Variants in FLT3 observed in about 807,000 individuals in gnomAD.
FLT3 encodes receptor-type tyrosine-protein kinase FLT3.
FLT3 carries 46 observed loss-of-function variants against 126.6 expected under a neutral mutation model. That is an observed-to-expected ratio of 0.36 (90% CI 0.29 to 0.46). The LOEUF is 0.46. Ranked by LOEUF, FLT3 falls within the 20% of genes least tolerant of loss-of-function variation. The pLI is 1.00. For missense variants in FLT3, 1,069 were observed against 1,190.3 expected, an observed-to-expected ratio of 0.90 and a Z score of 1.50; for synonymous variants, 404 against 434.4, an observed-to-expected ratio of 0.93 and a Z score of 0.87.
At chr13:28,037,111 C>A in intron 10 of FLT3, 74 bp downstream of exon 10, 2 of 896,466 alleles carry the variant, frequency 2.2e-6, no homozygotes, top group Admixed American at 1.9e-5. Context: ...CATTACTTAA[C>A]TTTTCCTAGT....
chr13:28,072,919 A>G (rs1877646972), intron 1 of FLT3, among the ~76,000 whole-genome samples: 1 of 151,910 alleles, frequency 6.6e-6, no homozygotes, highest in Admixed American at 6.6e-5. Flanking sequence ...GCAGGAGAAT[A>G]GCGTAAACCC....
At chr13:28,058,949 C>G (rs1020610776) in intron 3 of FLT3, among the ~76,000 whole-genome samples, 6 of 152,186 alleles carry the variant, frequency 3.9e-5, no homozygotes, top group African/African-American at 1.2e-4. Context: ...CAAGACTAAC[C>G]TGGGCAACAT....
chr13:28,058,329 AC>A (rs1876221473), intron 3 of FLT3, among the ~76,000 whole-genome samples: 1 of 151,924 alleles, frequency 6.6e-6, no homozygotes, highest in Non-Finnish European at 1.5e-5. Context: ...AGCCTGACCA[AC>A]ATGGAGAAAC....
chr13:28,015,037 T>C, intron 22 of FLT3, 120 bp downstream of exon 22: 1 of 642,618 alleles, frequency 1.6e-6, no homozygotes, highest in Non-Finnish European at 2.7e-6. Flanking sequence ...TTCTATTTTT[T>C]AAAAAAAGAA....
intron 19 of FLT3, 39 bp from the exon 20 acceptor site, chr13:28,018,628 T>A (rs2137624749): frequency 6.2e-7 from 1 of 1,608,186 alleles, no homozygotes; most frequent in Non-Finnish European, 8.5e-7. Context: ...TACTGTGATG[T>A]GTATTATCCT....
At chr13:28,056,099 A>G (rs1875976560) in intron 4 of FLT3, among the ~76,000 whole-genome samples, 1 of 152,086 alleles carries the variant, frequency 6.6e-6, no homozygotes, top group African/African-American at 2.4e-5. Flanking sequence ...CAGTAAGATG[A>G]TGCTTCTGGG....
intron 9 of FLT3, among the ~76,000 whole-genome samples, chr13:28,044,708 A>G (rs1390422065): frequency 6.6e-6 from 1 of 152,190 alleles, no homozygotes; most frequent in African/African-American, 2.4e-5. Context: ...ATCAGTACCA[A>G]CAATGCACAT....
intron 13 of FLT3, 38 bp downstream of exon 13, chr13:28,034,263 T>C (rs557830029): frequency 1.1e-5 from 18 of 1,613,590 alleles, no homozygotes; most frequent in South Asian, 4.4e-5. Context: ...GTTCTGCAGA[T>C]AGAGGAAAGA....
At chr13:28,081,316 T>C (rs1239862278) in intron 1 of FLT3, among the ~76,000 whole-genome samples, 5 of 152,226 alleles carry the variant, frequency 3.3e-5, no homozygotes, top group African/African-American at 1.2e-4. Flanking sequence ...CAATGTTTTA[T>C]AGTTTTCATT....
rs1487551876 is a variant in FLT3 at position 28,052,679 on chromosome 13, A to T, written c.485-5T>A. On this transcript the variant is annotated splice_region_variant and splice_polypyrimidine_tract_variant and intron_variant, in intron 4 of 23. Coordinates refer to ENST00000241453, the MANE Select transcript of FLT3 (RefSeq NM_004119.3). ...TTAATGTGTAAAGCAGGGTATCTAA[A>T]GCATCATAAGTTATTAACATTTTAC... 6.3e-7 allele frequency: 1 copy of T among 1,577,344 alleles called. No individual in the cohort carries two copies. The highest frequency in any genetic ancestry group is 8.7e-7 in the Non-Finnish European group (1 of 1,151,762).
intron 8 of FLT3, 93 bp downstream of exon 8, chr13:28,049,291 T>C: frequency 8.9e-7 from 1 of 1,127,256 alleles, no homozygotes; most frequent in South Asian, 1.5e-5. Flanking sequence ...ATAGTAGCAT[T>C]ATATTGAAAT....
At chr13:28,092,831 CAAAA>C (rs1169096638) in intron 1 of FLT3, among the ~76,000 whole-genome samples, 1 of 110,500 alleles carries the variant, frequency 9.0e-6, no homozygotes. Context: ...ACTCACTTTC[CAAAA>C]AAAAAAAAAG....
chr13:28,038,648 G>A (rs889881831), intron 9 of FLT3, among the ~76,000 whole-genome samples: 1 of 152,048 alleles, frequency 6.6e-6, no homozygotes, highest in South Asian at 2.1e-4. Flanking sequence ...AGAGACAGGG[G>A]TTCACCGTGT....
chr13:28,015,677 C>T lies in FLT3; in HGVS notation c.2566G>A (p.Ala856Thr). Residue 856 changes from alanine (A) to threonine (T), a missense_variant, in exon 21 of 24, where the codon GCC becomes ACC. By Grantham distance (58) the Ala-to-Thr change is moderately conservative. Transcript: ENST00000241453. Reference protein sequence around the residue: ...GNARLPVKWMAPESLFEGIYT... With the variant: ...GNARLPVKWMTPESLFEGIYT... ...ATGCCTTCAAACAGGCTTTCGGGGG[C>T]CATCCATTTTACAGGCAGACGGGCC... The T allele has an allele frequency of 6.2e-7, 1 of 1,606,240 alleles. No homozygotes were observed. Among genetic ancestry groups the T allele is most frequent in the South Asian group, 1.1e-5 (1 of 90,284 alleles).
At chr13:28,082,229 C>G (rs958784811) in intron 1 of FLT3, among the ~76,000 whole-genome samples, 2 of 152,034 alleles carry the variant, frequency 1.3e-5, no homozygotes, top group Non-Finnish European at 2.9e-5. Flanking sequence ...TAGCTCACTC[C>G]AACACTGAAC....
At chr13:28,006,620 G>A (rs1184827005) in intron 23 of FLT3, among the ~76,000 whole-genome samples, 1 of 151,584 alleles carries the variant, frequency 6.6e-6, no homozygotes, top group Non-Finnish European at 1.5e-5. Flanking sequence ...TCACTGTCTA[G>A]AAGTTTCTAG....
chr13:28,082,221 G>T (rs1878372292), intron 1 of FLT3, among the ~76,000 whole-genome samples: 1 of 152,040 alleles, frequency 6.6e-6, no homozygotes, highest in Admixed American at 6.6e-5. Context: ...CATTATCATA[G>T]CTCACTCCAA....
In FLT3 at chr13:28,023,594, C is replaced by A. The variant is rs1228677008; in HGVS notation, c.2291-117G>T. 4 of 1,087,960 alleles carry A rather than the reference C, an allele frequency of 3.7e-6. No individual in the cohort carries two copies. In the African/African-American group the frequency reaches 4.7e-5, roughly 13 times the overall value. 67.4% of individuals were successfully genotyped at this position (1,087,960 alleles called of 1,614,324 possible). ...GTGAGGTGCTAAGACATGAAGCTAT[C>A]GCATTATCTTCCCGGCAGCATTAGA... is the stretch of plus-strand genomic sequence containing the variant. On this transcript the variant is annotated intron_variant, in intron 18 of 23. Transcript: ENST00000241453.
At chr13:28,084,783 G>C (rs1311281691) in intron 1 of FLT3, among the ~76,000 whole-genome samples, 1 of 151,804 alleles carries the variant, frequency 6.6e-6, no homozygotes, top group African/African-American at 2.4e-5. Flanking sequence ...AGACCATCCT[G>C]GCTAACACGG....
Sources: allele counts gnomAD v4.1 joint callset (sites outside exome capture counted in the v4.1 genomes callset), GRCh38; gene constraint gnomAD v4.1.1; transcripts MANE v1.5; gene names NCBI Gene and HGNC (gene_info 2026-07-23, HGNC 2026-07-21).